DDI2: variants seen among roughly 807,000 people sequenced by gnomAD.
DDI2 encodes protein DDI1 homolog 2.
In DDI2, 5 loss-of-function variants were observed where a neutral mutation model predicts 48.1. The ratio of observed to expected loss-of-function variants is 0.10; its 90% CI spans 0.05 to 0.22. DDI2 has a LOEUF of 0.22. Ranked by LOEUF, DDI2 falls within the 10% of genes least tolerant of loss-of-function variation. The probability of loss-of-function intolerance (pLI) is 1.00; values close to 1 mark genes in which losing one functional copy is unlikely to be tolerated. For synonymous variants in DDI2, 205 were observed against 183.6 expected, an observed-to-expected ratio of 1.12 and a Z score of -0.94; for missense variants, 285 against 506.2, an observed-to-expected ratio of 0.56 and a Z score of 4.19.
rs200839539 is a variant in DDI2 at position 15,661,468 on chromosome 1, G to C, written c.*1678G>C. ...TCAGGGCATACAGAATTCAGTAACA[G>C]ACAGGCCTGAAACCAGAGAAAATGT... On this transcript the variant is annotated 3_prime_UTR_variant, in exon 10 of 10. Coordinates refer to ENST00000480945, the MANE Select transcript of DDI2 (RefSeq NM_032341.5). The C allele has an allele frequency of 1.9e-4, 304 of 1,613,890 alleles. 2 individuals are homozygous for C. The highest frequency in any genetic ancestry group is 1.5e-3 in the Middle Eastern group (9 of 6,060).
At chr1:15,650,959 A>G (rs902356992) in intron 7 of DDI2, among the ~76,000 whole-genome samples, 1 of 152,112 alleles carries the variant, frequency 6.6e-6, no homozygotes, top group Non-Finnish European at 1.5e-5. Context: ...GGTTCACGCC[A>G]TTCTCCTGCC....
chr1:15,622,113 G>T (rs577192866), intron 1 of DDI2, among the ~76,000 whole-genome samples: 1 of 151,538 alleles, frequency 6.6e-6, no homozygotes, highest in East Asian at 1.9e-4. Context: ...TCTCGCTCTC[G>T]CCCAGGCTGG....
chr1:15,635,850 T>C (rs1430456126), intron 4 of DDI2, among the ~76,000 whole-genome samples: 4 of 152,248 alleles, frequency 2.6e-5, no homozygotes, highest in Non-Finnish European at 5.9e-5. Flanking sequence ...AGATGAAGTA[T>C]ACAATTAATT....
At chr1:15,641,398 G>C (rs1640005270) in intron 5 of DDI2, among the ~76,000 whole-genome samples, 1 of 151,932 alleles carries the variant, frequency 6.6e-6, no homozygotes, top group African/African-American at 2.4e-5. Flanking sequence ...CCTGAACCTG[G>C]GAGGCAGAGA....
At chr1:15,617,896 A>G in intron 1 of DDI2, 88 bp downstream of exon 1, 1 of 1,401,130 alleles carries the variant, frequency 7.1e-7, no homozygotes. Flanking sequence ...CTGGTGAAGA[A>G]TTGGGGGCTG....
At chr1:15,625,830 G>A (rs750740449) in intron 1 of DDI2, among the ~76,000 whole-genome samples, 4 of 152,192 alleles carry the variant, frequency 2.6e-5, no homozygotes, top group Non-Finnish European at 4.4e-5. Context: ...TGTTGGCCAG[G>A]CTGGTCTCGA....
At position 15,662,964 on chromosome 1, in the gene DDI2, G is replaced by A. The variant is rs946461884; in HGVS notation, c.*3174G>A. The A allele has an allele frequency of 1.3e-5, 2 of 152,048 alleles. No homozygotes were observed. Among genetic ancestry groups the A allele is most frequent in the Non-Finnish European group, 2.9e-5 (2 of 68,018 alleles). 9.4% of individuals were successfully genotyped at this position (152,048 alleles called of 1,614,324 possible). On this transcript the variant is annotated 3_prime_UTR_variant, in exon 10 of 10. Transcript: ENST00000480945. ...GGCATAATATATAGATGTATTTATT[G>A]TGGCCTTTTTTTATATAAGGACTAG...
chr1:15,626,924 C>A, intron 2 of DDI2, 126 bp downstream of exon 2: 1 of 1,203,328 alleles, frequency 8.3e-7, no homozygotes, highest in Non-Finnish European at 1.2e-6. Flanking sequence ...TCTGCCTTTT[C>A]CCTGCCGTGT....
intron 8 of DDI2, among the ~76,000 whole-genome samples, chr1:15,653,511 G>C (rs1455285492): frequency 2.0e-5 from 3 of 151,406 alleles, no homozygotes; most frequent in Non-Finnish European, 4.4e-5. Flanking sequence ...GAAGACAGAA[G>C]AACCAACAAA....
chr1:15,633,101 A>G (rs761031514), intron 3 of DDI2, among the ~76,000 whole-genome samples: 3 of 151,362 alleles, frequency 2.0e-5, no homozygotes, highest in Non-Finnish European at 4.4e-5. Flanking sequence ...ACTAATTTTT[A>G]TATTTTTTGT....
intron 5 of DDI2, among the ~76,000 whole-genome samples, chr1:15,643,127 A>C (rs547421982): frequency 6.6e-6 from 1 of 152,280 alleles, no homozygotes; most frequent in Non-Finnish European, 1.5e-5. Context: ...CCAGGTACTC[A>C]GGAGGCTGAC....
chr1:15,624,856 C>A (rs1639728119), intron 1 of DDI2, among the ~76,000 whole-genome samples: 1 of 152,072 alleles, frequency 6.6e-6, no homozygotes, highest in Non-Finnish European at 1.5e-5. Flanking sequence ...CCTCAGCCTC[C>A]CCAAGTGCTA....
chr1:15,641,545 G>A (rs1314864250), intron 5 of DDI2, among the ~76,000 whole-genome samples: 1 of 152,060 alleles, frequency 6.6e-6, no homozygotes, highest in African/African-American at 2.4e-5. Flanking sequence ...ACCCCTAAGG[G>A]TCACAACAAT....
chr1:15,652,401 G>A (rs972922306), intron 8 of DDI2, among the ~76,000 whole-genome samples: 47 of 137,222 alleles, frequency 3.4e-4, no homozygotes, highest in Middle Eastern at 8.1e-3. Context: ...ATTCTGGCCC[G>A]GCGTGGTGGC....
chr1:15,656,658 G>A lies in DDI2; in HGVS notation c.*25G>A. 6.2e-7 allele frequency: 1 copy of A among 1,614,182 alleles called. No individual in the cohort carries two copies. Among genetic ancestry groups the A allele is most frequent in the East Asian group, 2.2e-5 (1 of 44,878 alleles). On this transcript the variant is annotated 3_prime_UTR_variant, in exon 9 of 10. Transcript: ENST00000480945. ...ATGCATGTAGTGTGTGTGTACTGCA[G>A]CTGGAGTGGGCCCCAGACCAGGTAT...
Position 15,656,627 on chromosome 1 carries a change from G to A in DDI2, c.1194G>A (p.Lys398=), listed in dbSNP as rs1354819417. 1 of 1,614,210 alleles carries A rather than the reference G, an allele frequency of 6.2e-7. No individual in the cohort carries two copies. Among genetic ancestry groups the A allele is most frequent in the Admixed American group, 1.7e-5 (1 of 60,022 alleles). The change falls in exon 9 of 10, where the codon AAG becomes AAA. Residue 398 remains lysine, a synonymous_variant. Transcript: ENST00000480945. ...TCCTAATTCACACAGAGCGTCAGAA[G>A]CCATGATGCATGTAGTGTGTGTGTA... ...QKSAEDAERQ[K]P
intron 4 of DDI2, among the ~76,000 whole-genome samples, chr1:15,636,058 A>T (rs1570975125): frequency 6.6e-6 from 1 of 152,324 alleles, no homozygotes; most frequent in East Asian, 1.9e-4. Context: ...AAAATGACTG[A>T]TAAAGCTATC....
chr1:15,658,904 C>T (rs1338682627), intron 9 of DDI2, among the ~76,000 whole-genome samples: 1 of 152,186 alleles, frequency 6.6e-6, no homozygotes, highest in Non-Finnish European at 1.5e-5. Context: ...AGCAGTGAAT[C>T]TAAATAGTCA....
intron 1 of DDI2, among the ~76,000 whole-genome samples, chr1:15,621,015 C>G (rs1461987232): frequency 6.6e-6 from 1 of 152,154 alleles, no homozygotes; most frequent in Non-Finnish European, 1.5e-5. Context: ...TTTTTAACAG[C>G]TCTAGTCTGA....
Sources: gnomAD v4.1 joint callset for allele counts (sites outside exome capture counted in the v4.1 genomes callset) on GRCh38, gnomAD v4.1.1 for gene constraint, MANE v1.5 for transcripts, NCBI Gene and HGNC (gene_info 2026-07-23, HGNC 2026-07-21) for gene names.